The following ADAMTS16 variants were observed in gnomAD, a reference collection of about 807,000 sequenced individuals.
The protein encoded by ADAMTS16 is A disintegrin and metalloproteinase with thrombospondin motifs 16.
Under a neutral mutation model 145.8 loss-of-function variants are expected in ADAMTS16, and 94 were observed. The observed-to-expected ratio is 0.64, with a 90% CI of 0.55 to 0.77. The LOEUF (loss-of-function observed/expected upper bound fraction) is 0.77, where lower values mean the gene tolerates loss of function less well. ADAMTS16 is among the 30% of genes least tolerant of loss of function. ADAMTS16 has a pLI of 0.00. For missense variants in ADAMTS16, 1,585 were observed against 1,591.5 expected, an observed-to-expected ratio of 1.00 and a Z score of 0.07; for synonymous variants, 659 against 604.3, an observed-to-expected ratio of 1.09 and a Z score of -1.33.
chr5:5,245,714 TC>T (rs1346579948), intron 17 of ADAMTS16, among the ~76,000 whole-genome samples: 2 of 152,298 alleles, frequency 1.3e-5, no homozygotes, highest in South Asian at 2.1e-4. Flanking sequence ...GACGGATAAA[TC>T]TTTTTGATTT....
chr5:5,303,154 C>A, intron 18 of ADAMTS16, 114 bp from the exon 19 acceptor site: 1 of 1,157,140 alleles, frequency 8.6e-7, no homozygotes, highest in Non-Finnish European at 1.2e-6. Context: ...AAAATAACGG[C>A]ACACACACGA....
At chr5:5,268,604 AT>A (rs1738347602) in intron 18 of ADAMTS16, among the ~76,000 whole-genome samples, 1 of 152,074 alleles carries the variant, frequency 6.6e-6, no homozygotes, top group Admixed American at 6.5e-5. Context: ...CTCAAGGTCC[AT>A]TTCTCCTTCC....
At chr5:5,257,546 G>A (rs1430012367) in intron 17 of ADAMTS16, among the ~76,000 whole-genome samples, 1 of 152,218 alleles carries the variant, frequency 6.6e-6, no homozygotes, top group Non-Finnish European at 1.5e-5. Context: ...GCAATGTAAT[G>A]CAAACAACTG....
chr5:5,223,947 C>G (rs887964683), intron 11 of ADAMTS16, among the ~76,000 whole-genome samples: 2 of 151,444 alleles, frequency 1.3e-5, no homozygotes, highest in Admixed American at 1.3e-4. Flanking sequence ...TATCATTGTT[C>G]TATTATGTTT....
At chr5:5,206,425 CAAAAAAAAA>C (rs1173829992) in intron 9 of ADAMTS16, among the ~76,000 whole-genome samples, 1 of 39,436 alleles carries the variant, frequency 2.5e-5, no homozygotes, top group African/African-American at 1.2e-4. Flanking sequence ...GACTCCGTCT[CAAAAAAAAA>C]AAAAAAAAAA....
chr5:5,311,963 C>T (rs542774870), intron 21 of ADAMTS16, among the ~76,000 whole-genome samples: 2 of 152,152 alleles, frequency 1.3e-5, no homozygotes, highest in African/African-American at 2.4e-5. Flanking sequence ...GTAATCCACT[C>T]GCCTCAGCCT....
intron 18 of ADAMTS16, among the ~76,000 whole-genome samples, chr5:5,268,739 C>T (rs1223069167): frequency 6.6e-6 from 1 of 152,168 alleles, no homozygotes; most frequent in African/African-American, 2.4e-5. Flanking sequence ...GAGCCTATGC[C>T]CTCCATGCTA....
At chr5:5,246,161 T>G (rs1489982018) in intron 17 of ADAMTS16, among the ~76,000 whole-genome samples, 1 of 152,218 alleles carries the variant, frequency 6.6e-6, no homozygotes, top group Non-Finnish European at 1.5e-5. Context: ...TACAATTCAC[T>G]TGGCCCAATG....
rs769929638 is a variant in ADAMTS16, at chr5:5,317,787, G to A, written c.3412-347G>A. On this transcript the variant is annotated intron_variant, in intron 21 of 22. Transcript: ENST00000274181. This position sits in a 1 kb window ranked among gnomAD's most constrained non-coding sequence, Gnocchi z 4.5. The stretch of plus-strand genomic sequence containing the variant: ...TGAGACTATAGAATCCAACTCTAGC[G>A]GTTCAAATCCCAGCCTGAGCAAGTC... 1.4e-4 allele frequency among the ~76,000 whole-genome samples: 21 copies of A among 152,160 alleles called. No individual in the cohort carries two copies. The highest frequency in any genetic ancestry group is 3.2e-3 in the Middle Eastern group (1 of 316).
intron 17 of ADAMTS16, among the ~76,000 whole-genome samples, chr5:5,253,262 A>G (rs1406919863): frequency 6.6e-6 from 1 of 152,228 alleles, no homozygotes; most frequent in East Asian, 1.9e-4. Context: ...TTAGGGAGAC[A>G]TGAGACATTA....
chr5:5,210,424 AAC>A (rs1560950421), intron 10 of ADAMTS16, among the ~76,000 whole-genome samples: 2 of 152,178 alleles, frequency 1.3e-5, no homozygotes, highest in Admixed American at 1.3e-4. Flanking sequence ...CATGGAGAGA[AAC>A]ACATTCATTT....
rs534700500 is a variant in ADAMTS16, at chr5:5,150,877, C to T, written c.501+4422C>T. On this transcript the variant is annotated intron_variant, in intron 3 of 22. Coordinates refer to ENST00000274181, the MANE Select transcript of ADAMTS16 (RefSeq NM_139056.4). ...TTCTGGTGAGAAGTCAACTGTTTAT[C>T]TCACTGTGGTGTATTATGCACATTG... Among the ~76,000 whole-genome samples the T allele has an allele frequency of 5.3e-5, 8 of 152,330 alleles. No individual in the cohort carries two copies. In the South Asian group the frequency reaches 1.7e-3, roughly 32 times the overall value.
chr5:5,155,459 G>A (rs1734576880), intron 3 of ADAMTS16, among the ~76,000 whole-genome samples: 1 of 152,178 alleles, frequency 6.6e-6, no homozygotes, highest in Non-Finnish European at 1.5e-5. Flanking sequence ...GTAGGCATTT[G>A]AGTACTGAAA....
In ADAMTS16 at chr5:5,214,708, A is replaced by G. The variant is rs77581241; in HGVS notation, c.1605+5462A>G. ...TGTGAGCCACCGCACCCAGCTTTGT[A>G]TTTTCTTTTAAAAATTAGAAGCTAT... On this transcript the variant is annotated intron_variant, in intron 10 of 22. Coordinates refer to ENST00000274181, the MANE Select transcript of ADAMTS16 (RefSeq NM_139056.4). Among the ~76,000 whole-genome samples, 265 of 152,240 alleles carry G rather than the reference A, an allele frequency of 1.7e-3. 1 individual carries two copies. Among genetic ancestry groups the G allele is most frequent in the African/African-American group, 6.1e-3 (254 of 41,550 alleles).
chr5:5,318,192 G>T lies in ADAMTS16; in HGVS notation c.3470G>T (p.Gly1157Val). ...QTRSVQCLAG[G>V]RPASGCLLHQ... ...AGGTCCGTGCAGTGCCTGGCTGGGGGCCGGCCGGCCTCAGGCTGCCTCCTG... is the reference window on the plus strand; with the variant it reads ...AGGTCCGTGCAGTGCCTGGCTGGGGTCCGGCCGGCCTCAGGCTGCCTCCTG... The change falls in exon 22 of 23, where the codon GGC (glycine) becomes GTC (valine). Residue 1157 changes from glycine (G) to valine (V), a missense_variant. Around this residue, in one of 3 missense-constraint regions of ADAMTS16, gnomAD observed 834 missense variants for 811.7 expected, o/e 1.03. Transcript: ENST00000274181. 6.4e-7 allele frequency: 1 copy of T among 1,560,856 alleles called. No individual in the cohort carries two copies. Among genetic ancestry groups the T allele is most frequent in the Non-Finnish European group, 8.7e-7 (1 of 1,148,910 alleles).
intron 18 of ADAMTS16, among the ~76,000 whole-genome samples, chr5:5,274,586 T>G (rs1738610654): frequency 6.6e-6 from 1 of 152,192 alleles, no homozygotes; most frequent in South Asian, 2.1e-4. Flanking sequence ...CAGGTTTATT[T>G]ATCCAGTCAC....
chr5:5,156,383 G>A (rs757510240), intron 3 of ADAMTS16, among the ~76,000 whole-genome samples: 5 of 152,126 alleles, frequency 3.3e-5, no homozygotes, highest in African/African-American at 4.8e-5. Flanking sequence ...TTTTTGCAAT[G>A]GAGGAACAAG....
intron 10 of ADAMTS16, among the ~76,000 whole-genome samples, chr5:5,209,759 A>C (rs2019251): frequency 0.18 from 27,844 of 152,100 alleles, 3,082 homozygotes; most frequent in Middle Eastern, 0.31. Context: ...TTAGTAACAG[A>C]AATTGCTCAT....
intron 3 of ADAMTS16, among the ~76,000 whole-genome samples, chr5:5,150,041 T>C (rs1284242813): frequency 1.3e-5 from 2 of 152,216 alleles, no homozygotes; most frequent in African/African-American, 2.4e-5. Flanking sequence ...TTCTCTTGGG[T>C]AAATACCTAG....
Sources: allele counts gnomAD v4.1 joint callset (sites outside exome capture counted in the v4.1 genomes callset), GRCh38; gene constraint gnomAD v4.1.1; regional missense constraint gnomAD v4.1.1; non-coding constraint Gnocchi (gnomAD v3.1); transcripts MANE v1.5; gene names NCBI Gene and HGNC (gene_info 2026-07-23, HGNC 2026-07-21).